Variants in TNNI3K observed in about 807,000 individuals in gnomAD.
TNNI3K encodes the protein serine/threonine-protein kinase TNNI3K.
In TNNI3K, 140 loss-of-function variants were observed where a neutral mutation model predicts 114.5. The ratio of observed to expected loss-of-function variants is 1.22; its 90% CI spans 1.07 to 1.41. TNNI3K has a LOEUF of 1.41. Ranked by LOEUF, TNNI3K falls within the 40% of genes most tolerant of loss-of-function variation. The pLI is 0.00. For missense variants in TNNI3K, 1,125 were observed against 1,007.6 expected (o/e 1.12, Z -1.58); for synonymous variants, 347 against 347.5 (o/e 1.00, Z 0.02).
chr1:74,336,408 G>C (rs1466149048), intron 7 of TNNI3K, among the ~76,000 whole-genome samples: 2 of 151,968 alleles, frequency 1.3e-5, no homozygotes, highest in Non-Finnish European at 2.9e-5. Context: ...ATGCAGGTTA[G>C]TTACATATGT....
At chr1:74,315,122 A>T (rs1659236924) in intron 5 of TNNI3K, among the ~76,000 whole-genome samples, 1 of 152,182 alleles carries the variant, frequency 6.6e-6, no homozygotes, top group African/African-American at 2.4e-5. Context: ...CATACAAGTT[A>T]TTCATGGACA....
At chr1:74,485,713 G>A (rs1668723692) in intron 21 of TNNI3K, among the ~76,000 whole-genome samples, 1 of 152,192 alleles carries the variant, frequency 6.6e-6, no homozygotes, top group Non-Finnish European at 1.5e-5. Flanking sequence ...TCACAGAGTG[G>A]AAGTCAGGCA....
chr1:74,398,395 A>G (rs78542202), intron 17 of TNNI3K, among the ~76,000 whole-genome samples: 3,759 of 152,214 alleles, frequency 0.025, 77 homozygotes, highest in Admixed American at 0.043. Context: ...ACCAAGAATT[A>G]TGTGTGTATA....
chr1:74,465,267 G>C (rs1216228079), intron 21 of TNNI3K, among the ~76,000 whole-genome samples: 1 of 152,204 alleles, frequency 6.6e-6, no homozygotes, highest in Non-Finnish European at 1.5e-5. Flanking sequence ...TCAGCTTGCG[G>C]GGAGGTGTGG....
intron 20 of TNNI3K, among the ~76,000 whole-genome samples, chr1:74,447,241 T>A (rs1445444555): frequency 6.7e-6 from 1 of 149,752 alleles, no homozygotes; most frequent in Admixed American, 6.6e-5. Flanking sequence ...TAGTTCTCCT[T>A]GAAGAGGTCC....
intron 21 of TNNI3K, chr1:74,469,895 G>C (rs1186046116): frequency 2.5e-6 from 1 of 400,602 alleles, no homozygotes; most frequent in Non-Finnish European, 4.4e-6. Flanking sequence ...GTTTCTAAAG[G>C]TGATGTAGTA....
intron 9 of TNNI3K, among the ~76,000 whole-genome samples, chr1:74,348,944 A>C (rs1274740876): frequency 2.0e-5 from 3 of 152,196 alleles, no homozygotes; most frequent in African/African-American, 7.2e-5. Context: ...ATCTGCAAAC[A>C]GGGACCATTT....
chr1:74,527,431 G>A (rs568907091), intron 23 of TNNI3K, among the ~76,000 whole-genome samples: 20 of 152,334 alleles, frequency 1.3e-4, no homozygotes, highest in African/African-American at 4.8e-4. Context: ...ATTAGATGGA[G>A]TGGTAAATGA....
chr1:74,376,703 A>G (rs1662921824), intron 17 of TNNI3K: 1 of 152,032 alleles, frequency 6.6e-6, no homozygotes, highest in East Asian at 1.9e-4. Context: ...TCTAGGGTCT[A>G]TGCTATGCCG....
chr1:74,301,415 G>C (rs1483687147), intron 5 of TNNI3K, among the ~76,000 whole-genome samples: 1 of 151,974 alleles, frequency 6.6e-6, no homozygotes, highest in Non-Finnish European at 1.5e-5. Context: ...AAATGATGGG[G>C]AGGGGGTTGA....
chr1:74,411,092 T>C (rs1189708885), intron 17 of TNNI3K, among the ~76,000 whole-genome samples: 1 of 152,208 alleles, frequency 6.6e-6, no homozygotes, highest in East Asian at 1.9e-4. Flanking sequence ...TACCATAAAA[T>C]TGAAGTTGCT....
chr1:74,403,853 T>G (rs900890378), intron 17 of TNNI3K, among the ~76,000 whole-genome samples: 2 of 152,198 alleles, frequency 1.3e-5, no homozygotes, highest in African/African-American at 4.8e-5. Flanking sequence ...CCATGGATAA[T>G]GAAGAGAGAG....
chr1:74,426,567 C>CT (rs1557558926), intron 17 of TNNI3K, among the ~76,000 whole-genome samples: 1 of 152,010 alleles, frequency 6.6e-6, no homozygotes, highest in South Asian at 2.1e-4. Context: ...AATGGCATCT[C>CT]TTTTTTTCTA....
At chr1:74,370,840 G>A (rs1662557664) in intron 17 of TNNI3K, 1 of 152,072 alleles carries the variant, frequency 6.6e-6, no homozygotes, top group African/African-American at 2.4e-5. Flanking sequence ...AGGTAAAGAG[G>A]ATTTCATGTG....
At chr1:74,310,354 C>G (rs1658912903) in intron 5 of TNNI3K, among the ~76,000 whole-genome samples, 1 of 152,136 alleles carries the variant, frequency 6.6e-6, no homozygotes. Flanking sequence ...ATTCCATGCT[C>G]ATGGATTGGA....
chr1:74,326,063 ATCTTAAGGAAAACATTGGTAT>A (rs1210827053), intron 5 of TNNI3K, among the ~76,000 whole-genome samples: 9 of 152,180 alleles, frequency 5.9e-5, no homozygotes, highest in Non-Finnish European at 1.3e-4. Flanking sequence ...CAAACTGTAA[ATCTTAAGGAAAACATTGGTAT>A]AAGCATGAAT....
chr1:74,315,074 T>A (rs1333355012), intron 5 of TNNI3K, among the ~76,000 whole-genome samples: 1 of 152,146 alleles, frequency 6.6e-6, no homozygotes, highest in Non-Finnish European at 1.5e-5. Flanking sequence ...CATTATAACC[T>A]CTTTGTTACG....
intron 17 of TNNI3K, among the ~76,000 whole-genome samples, chr1:74,385,731 G>T (rs1447502420): frequency 1.3e-5 from 2 of 152,180 alleles, no homozygotes; most frequent in African/African-American, 4.8e-5. Context: ...ACACTGACAG[G>T]AATGAAGATG....
chr1:74,394,961 G>A (rs563334860), intron 17 of TNNI3K, among the ~76,000 whole-genome samples: 121 of 151,672 alleles, frequency 8.0e-4, no homozygotes, highest in African/African-American at 2.5e-3. Context: ...GGAGAATAGC[G>A]TGAACCCGGG....
Sources: allele counts gnomAD v4.1 joint callset (sites outside exome capture counted in the v4.1 genomes callset), GRCh38; gene constraint gnomAD v4.1.1; transcripts MANE v1.5; gene names NCBI Gene and HGNC (gene_info 2026-07-23, HGNC 2026-07-21).